Variants in GNG2 observed in about 807,000 individuals in gnomAD.
The protein encoded by GNG2 is guanine nucleotide-binding protein G(I)/G(S)/G(O) subunit gamma-2.
In GNG2, 5 loss-of-function variants were observed where a neutral mutation model predicts 5.5. That is an observed-to-expected ratio of 0.91 (90% CI 0.48 to 1.92). GNG2 has a LOEUF of 1.92. GNG2 is among the 30% of genes most tolerant of loss of function. The pLI is 0.01. For missense variants in GNG2, 55 were observed against 88.4 expected, an observed-to-expected ratio of 0.62 and a Z score of 1.52; for synonymous variants, 28 against 32.0, an observed-to-expected ratio of 0.88 and a Z score of 0.42.
intron 2 of GNG2, chr14:51,847,028 GA>G (rs1444877230): frequency 2.6e-5 from 4 of 152,238 alleles, no homozygotes; most frequent in African/African-American, 9.7e-5. Context: ...CAGAGGGGGG[GA>G]GGGGTGGAAA....
intron 2 of GNG2, among the ~76,000 whole-genome samples, chr14:51,938,478 C>T (rs1164501955): frequency 6.6e-6 from 1 of 152,206 alleles, no homozygotes; most frequent in Non-Finnish European, 1.5e-5. Context: ...AAACATTAGG[C>T]ATGCATGTAC....
chr14:51,848,642 G>C (rs1481865823), intron 2 of GNG2, among the ~76,000 whole-genome samples: 1 of 152,172 alleles, frequency 6.6e-6, no homozygotes, highest in African/African-American at 2.4e-5. Context: ...GGTATATTAG[G>C]AAATAGAAGG....
chr14:51,933,053 A>C (rs1887758084), intron 2 of GNG2, among the ~76,000 whole-genome samples: 1 of 152,228 alleles, frequency 6.6e-6, no homozygotes, highest in Non-Finnish European at 1.5e-5. Context: ...AGAAGCTGGA[A>C]GAGGCAAGAA....
At chr14:51,826,841 G>A (rs188030593) in intron 1 of GNG2, among the ~76,000 whole-genome samples, 1 of 152,320 alleles carries the variant, frequency 6.6e-6, no homozygotes, top group Non-Finnish European at 1.5e-5. Context: ...GAGAAACCAA[G>A]GATAAGTTAA....
intron 2 of GNG2, among the ~76,000 whole-genome samples, chr14:51,923,495 G>GTATGTGTGTGTGTATGTGTATATA (rs1887137692): frequency 6.6e-6 from 1 of 151,190 alleles, no homozygotes; most frequent in Non-Finnish European, 1.5e-5. Flanking sequence ...GCAAATATAT[G>GTATGTGTGTGTGTATGTGTATATA]TATGTGTGTG....
chr14:51,882,506 G>A (rs192898013), intron 2 of GNG2, among the ~76,000 whole-genome samples: 2 of 152,320 alleles, frequency 1.3e-5, no homozygotes, highest in East Asian at 1.9e-4. Context: ...AACCCTTGAA[G>A]GGTAAAAGGG....
chr14:51,870,761 T>A (rs1417999785), intron 1 of GNG2, among the ~76,000 whole-genome samples: 1 of 152,242 alleles, frequency 6.6e-6, no homozygotes, highest in East Asian at 1.9e-4. Context: ...ATTCTCTTTA[T>A]GGTTGCTGCT....
Position 51,897,251 on chromosome 14 carries a change from A to G in GNG2, c.-30+19594A>G, listed in dbSNP as rs145397637. ...AGAGTTGGACAGTCCAGGTCAATCT[A>G]GGCTGAATACGGTAGAGTCAAGTCA... On this transcript the variant is annotated intron_variant, in intron 2 of 3. Coordinates refer to ENST00000556766, the MANE Select transcript of GNG2 (RefSeq NM_053064.5). 6.6e-4 allele frequency among the ~76,000 whole-genome samples: 101 copies of G among 152,356 alleles called. 2 individuals are homozygous for G. In the East Asian group the frequency reaches 0.018, roughly 28 times the overall value.
At chr14:51,915,314 C>T (rs961530568) in intron 2 of GNG2, among the ~76,000 whole-genome samples, 1 of 152,198 alleles carries the variant, frequency 6.6e-6, no homozygotes, top group African/African-American at 2.4e-5. Flanking sequence ...TCATATTACA[C>T]CTCTGCTACA....
At chr14:51,879,054 A>T (rs777366724) in intron 2 of GNG2, among the ~76,000 whole-genome samples, 2 of 152,324 alleles carry the variant, frequency 1.3e-5, no homozygotes, top group East Asian at 1.9e-4. Context: ...TCTTCCAGTC[A>T]TTGTGACATC....
intron 1 of GNG2, among the ~76,000 whole-genome samples, chr14:51,826,920 T>C (rs1881044484): frequency 6.6e-6 from 1 of 152,202 alleles, no homozygotes; most frequent in Non-Finnish European, 1.5e-5. Flanking sequence ...TCTCCAGCCA[T>C]GCTTGATGTC....
At chr14:51,827,595 A>C (rs6572794) in intron 1 of GNG2, 591,104 of 657,606 alleles carry the variant, frequency 0.9, 270,946 homozygotes, top group Non-Finnish European at 0.98. Flanking sequence ...CAGCTTTGAG[A>C]CTTGAGGTCA....
At chr14:51,843,070 A>G (rs1881526563) in intron 2 of GNG2, among the ~76,000 whole-genome samples, 1 of 152,220 alleles carries the variant, frequency 6.6e-6, no homozygotes, top group Non-Finnish European at 1.5e-5. Flanking sequence ...TAAAGACCGC[A>G]GAAGAGACTA....
At chr14:51,901,395 G>A (rs1885545272) in intron 2 of GNG2, among the ~76,000 whole-genome samples, 1 of 151,396 alleles carries the variant, frequency 6.6e-6, no homozygotes, top group African/African-American at 2.4e-5. Flanking sequence ...GTCTCACTTT[G>A]TTGCCCAGAC....
chr14:51,884,841 C>T (rs1001226365), intron 2 of GNG2, among the ~76,000 whole-genome samples: 1 of 152,178 alleles, frequency 6.6e-6, no homozygotes, highest in Non-Finnish European at 1.5e-5. Context: ...AGTATTTCAT[C>T]ACCAGACCAC....
At chr14:51,923,963 A>C (rs1372180306) in intron 2 of GNG2, among the ~76,000 whole-genome samples, 1 of 152,188 alleles carries the variant, frequency 6.6e-6, no homozygotes, top group African/African-American at 2.4e-5. Context: ...GAGATGTTGG[A>C]ATTTGTACTT....
upstream of GNG2, among the ~76,000 whole-genome samples, chr14:51,857,622 C>G (rs574358290): frequency 2.9e-4 from 44 of 152,048 alleles, no homozygotes; most frequent in Non-Finnish European, 5.0e-4. Flanking sequence ...TGTAATTGCA[C>G]AGAAAAAACC....
intron 2 of GNG2, among the ~76,000 whole-genome samples, chr14:51,940,627 G>A (rs936486243): frequency 2.6e-5 from 4 of 151,794 alleles, no homozygotes; most frequent in South Asian, 2.1e-4. Context: ...GAGTGACTGA[G>A]TGTGCAAGGT....
At chr14:51,917,981 G>A (rs1029344224) in intron 2 of GNG2, among the ~76,000 whole-genome samples, 1 of 149,900 alleles carries the variant, frequency 6.7e-6, no homozygotes, top group African/African-American at 2.5e-5. Context: ...CGCCGAGATC[G>A]TGTCACTGCA....
Sources: gnomAD v4.1 joint callset for allele counts (sites outside exome capture counted in the v4.1 genomes callset) on GRCh38, gnomAD v4.1.1 for gene constraint, MANE v1.5 for transcripts, NCBI Gene and HGNC (gene_info 2026-07-23, HGNC 2026-07-21) for gene names.